Variants in ATP6V0E1 observed in about 807,000 individuals in gnomAD.
ATP6V0E1 encodes V-type proton ATPase subunit e 1.
Under a neutral mutation model 11.6 loss-of-function variants are expected in ATP6V0E1, and 4 were observed. The ratio of observed to expected loss-of-function variants is 0.35; its 90% CI spans 0.17 to 0.79. The LOEUF is 0.79. Ranked by LOEUF, ATP6V0E1 falls within the 30% of genes least tolerant of loss-of-function variation. ATP6V0E1 has a pLI of 0.54. For synonymous variants in ATP6V0E1, 36 were observed against 34.8 expected (o/e 1.04, Z -0.13); for missense variants, 105 against 100.0 (o/e 1.05, Z -0.21).
chr5:173,020,768 A>G, intron 3 of ATP6V0E1: 1 of 519,318 alleles, frequency 1.9e-6, no homozygotes, highest in Non-Finnish European at 3.8e-6. Context: ...CGTTCCTGTG[A>G]TGGTGTTACA....
chr5:173,020,458 G>T (rs1343615267), intron 3 of ATP6V0E1, 91 bp downstream of exon 3: 2 of 727,056 alleles, frequency 2.8e-6, no homozygotes, highest in African/African-American at 1.8e-5. Flanking sequence ...ATTTTAACAC[G>T]TGGCAAGGGC....
chr5:173,027,496 C>T (rs984130727), intron 3 of ATP6V0E1, among the ~76,000 whole-genome samples: 3 of 150,464 alleles, frequency 2.0e-5, no homozygotes, highest in Admixed American at 1.3e-4. Context: ...AAAGAGACTC[C>T]GTCTCAAAAA....
At chr5:173,018,119 C>G (rs1004768480) in intron 2 of ATP6V0E1, among the ~76,000 whole-genome samples, 29 of 152,084 alleles carry the variant, frequency 1.9e-4, no homozygotes, top group Admixed American at 1.9e-3. Flanking sequence ...TTTGAATCCC[C>G]CCAGATTTAA....
intron 2 of ATP6V0E1, among the ~76,000 whole-genome samples, chr5:173,006,569 G>C (rs1756233743): frequency 6.6e-6 from 1 of 152,176 alleles, no homozygotes; most frequent in Non-Finnish European, 1.5e-5. Context: ...AGCCGAGATG[G>C]CGACACTGCA....
intron 2 of ATP6V0E1, among the ~76,000 whole-genome samples, chr5:173,012,384 T>G (rs1314299739): frequency 6.6e-6 from 1 of 152,040 alleles, no homozygotes; most frequent in African/African-American, 2.4e-5. Flanking sequence ...ATGTGTACTT[T>G]GATAACCATA....
rs114669845 is a variant in ATP6V0E1, at chr5:173,005,278, G to A, written c.152+10456G>A. 4.5e-3 allele frequency among the ~76,000 whole-genome samples: 687 copies of A among 152,118 alleles called. 1 individual carries two copies. Among genetic ancestry groups the A allele is most frequent in the South Asian group, 0.021 (101 of 4,822 alleles). On this transcript the variant is annotated intron_variant, in intron 2 of 3. Transcript: ENST00000519374. The stretch of plus-strand genomic sequence containing the variant: ...AATCTCACTGGTATCTCCATGTCCA[G>A]CCTCATGGGATCTCTTCATTTATTT...
At chr5:173,031,266 G>A (rs1161461785) in intron 3 of ATP6V0E1, among the ~76,000 whole-genome samples, 2 of 149,954 alleles carry the variant, frequency 1.3e-5, no homozygotes, top group African/African-American at 4.9e-5. Context: ...TTTTTTTTTA[G>A]TAGAGATGGG....
In ATP6V0E1 at chr5:173,029,143, G is replaced by A. The variant is rs79992289; in HGVS notation, c.*37-5256G>A. On this transcript the variant is annotated intron_variant, in intron 3 of 3. Transcript: ENST00000519374. ...GCATTCCTAAAATACTTGAGTGCTT[G>A]TGAGGTGTATAGTACTGAAGTAGGG... Among the ~76,000 whole-genome samples the A allele has an allele frequency of 1.4e-3, 210 of 152,344 alleles. 1 individual carries two copies. The highest frequency in any genetic ancestry group is 5.0e-3 in the African/African-American group (207 of 41,576).
intron 1 of ATP6V0E1, among the ~76,000 whole-genome samples, chr5:172,990,928 G>T (rs1277814910): frequency 6.6e-6 from 1 of 151,512 alleles, no homozygotes; most frequent in Non-Finnish European, 1.5e-5. Context: ...AAGATTACAG[G>T]CTTGAGCCAC....
intron 2 of ATP6V0E1, among the ~76,000 whole-genome samples, chr5:173,019,550 T>A (rs1422660872): frequency 6.7e-6 from 1 of 150,176 alleles, no homozygotes; most frequent in African/African-American, 2.5e-5. Context: ...CGAGACTCCA[T>A]CTCAAAAAAA....
intron 3 of ATP6V0E1, among the ~76,000 whole-genome samples, chr5:173,032,243 A>C (rs868844125): frequency 7.3e-3 from 113 of 15,584 alleles, no homozygotes; most frequent in South Asian, 0.016. Flanking sequence ...ATTTACTTTT[A>C]TTTTATTTTA....
At chr5:172,987,044 C>T (rs1298557013) in intron 1 of ATP6V0E1, 2 of 182,270 alleles carry the variant, frequency 1.1e-5, no homozygotes, top group Admixed American at 6.3e-5. Flanking sequence ...TCTCAGCCTC[C>T]CAAAGTGCTA....
intron 2 of ATP6V0E1, among the ~76,000 whole-genome samples, chr5:173,008,204 A>G (rs1354190250): frequency 6.6e-6 from 1 of 152,194 alleles, no homozygotes; most frequent in Non-Finnish European, 1.5e-5. Flanking sequence ...TCATTTGCCT[A>G]ATGTTCAGAG....
chr5:173,021,781 G>A (rs1756489346), intron 3 of ATP6V0E1, among the ~76,000 whole-genome samples: 2 of 152,216 alleles, frequency 1.3e-5, no homozygotes. Flanking sequence ...GTGCGCGGTG[G>A]CTCACGCCTG....
intron 2 of ATP6V0E1, among the ~76,000 whole-genome samples, chr5:172,997,738 C>T (rs962704563): frequency 2.7e-5 from 4 of 150,904 alleles, no homozygotes; most frequent in South Asian, 2.1e-4. Flanking sequence ...GCGTGAACCC[C>T]GGAGGCGGAG....
At chr5:172,993,979 A>G (rs1261626113) in intron 1 of ATP6V0E1, among the ~76,000 whole-genome samples, 1 of 151,964 alleles carries the variant, frequency 6.6e-6, no homozygotes, top group African/African-American at 2.4e-5. Flanking sequence ...TGGAGGGGGG[A>G]CATCAAAAGG....
chr5:173,027,720 C>G (rs1353075473), intron 3 of ATP6V0E1, among the ~76,000 whole-genome samples: 1 of 152,074 alleles, frequency 6.6e-6, no homozygotes, highest in Non-Finnish European at 1.5e-5. Flanking sequence ...TCTCGAAGTG[C>G]TGGGATTACA....
chr5:172,990,833 T>TAA (rs201409111), intron 1 of ATP6V0E1, among the ~76,000 whole-genome samples: 5,741 of 137,342 alleles, frequency 0.042, 359 homozygotes, highest in African/African-American at 0.14. Context: ...TCTCAAAAAT[T>TAA]AAAAAAAAAA....
chr5:173,021,685 C>T (rs1469819982), intron 3 of ATP6V0E1, among the ~76,000 whole-genome samples: 1 of 152,172 alleles, frequency 6.6e-6, no homozygotes, highest in African/African-American at 2.4e-5. Context: ...CCACCTCCAT[C>T]ATTGGGGATC....
Sources: allele counts gnomAD v4.1 joint callset (sites outside exome capture counted in the v4.1 genomes callset), GRCh38; gene constraint gnomAD v4.1.1; transcripts MANE v1.5; gene names NCBI Gene and HGNC (gene_info 2026-07-23, HGNC 2026-07-21).